MIX23: variants seen among roughly 807,000 people sequenced by gnomAD.
MIX23 encodes the protein mitochondrial matrix import factor 23, also known as protein MIX23.
MIX23 carries 13 observed loss-of-function variants against 21.6 expected under a neutral mutation model. The observed-to-expected ratio is 0.60, with a 90% CI of 0.39 to 0.96. The LOEUF is 0.96. MIX23 is among the 40% of genes least tolerant of loss of function. The probability of loss-of-function intolerance (pLI) is 0.00; values close to 1 mark genes in which losing one functional copy is unlikely to be tolerated. For missense variants in MIX23, 144 were observed against 171.2 expected (o/e 0.84, Z 0.89); for synonymous variants, 59 against 58.0 (o/e 1.02, Z -0.08).
chr3:122,379,736 G>C lies in MIX23; in HGVS notation c.51+3438C>G, dbSNP rs78636482. ...ACAGTTCAATGGTTCTCTGAAGGCT[G>C]CATCTTGTGTAGAACCCTCATGAGC... On this transcript the variant is annotated intron_variant, in intron 1 of 4. Coordinates refer to ENST00000291458, the MANE Select transcript of MIX23 (RefSeq NM_001017928.4). Among the ~76,000 whole-genome samples, 3 of 152,324 alleles carry C rather than the reference G, an allele frequency of 2.0e-5. No homozygotes were observed. In the East Asian group the frequency reaches 5.8e-4, roughly 29 times the overall value.
chr3:122,360,871 T>G (rs923507380), intron 4 of MIX23, among the ~76,000 whole-genome samples: 1 of 152,144 alleles, frequency 6.6e-6, no homozygotes, highest in African/African-American at 2.4e-5. Flanking sequence ...GAGACGGAGT[T>G]TCGCTCTTGT....
intron 1 of MIX23, among the ~76,000 whole-genome samples, chr3:122,382,454 G>A (rs1448793768): frequency 6.6e-6 from 1 of 152,166 alleles, no homozygotes; most frequent in Non-Finnish European, 1.5e-5. Flanking sequence ...TCTTGGGTTA[G>A]TTAATAATGC....
At chr3:122,362,714 A>C (rs907953889) in intron 4 of MIX23, among the ~76,000 whole-genome samples, 2 of 152,176 alleles carry the variant, frequency 1.3e-5, no homozygotes, top group African/African-American at 4.8e-5. Flanking sequence ...TGTTGGGATT[A>C]CAGGTGTGAG....
chr3:122,374,115 TTTTTA>T (rs2075464679), intron 1 of MIX23, among the ~76,000 whole-genome samples: 2 of 145,566 alleles, frequency 1.4e-5, no homozygotes, highest in African/African-American at 5.0e-5. Flanking sequence ...TTTTTTTTTT[TTTTTA>T]AAAAAAAAGC....
chr3:122,362,897 C>A, intron 4 of MIX23, 71 bp downstream of exon 4: 3 of 1,244,676 alleles, frequency 2.4e-6, no homozygotes, highest in Non-Finnish European at 3.5e-6. Context: ...CTTTACTCCC[C>A]CTCCCTTGGT....
chr3:122,364,108 C>T (rs1045459356), intron 3 of MIX23, among the ~76,000 whole-genome samples: 1 of 152,202 alleles, frequency 6.6e-6, no homozygotes, highest in Non-Finnish European at 1.5e-5. Context: ...CCTGGCCAAC[C>T]AGGAGCGCAG....
chr3:122,368,004 T>C, intron 3 of MIX23, 172 bp downstream of exon 3: 1 of 608,868 alleles, frequency 1.6e-6, no homozygotes. Flanking sequence ...ATTTACCAAT[T>C]AATAACTAAA....
intron 2 of MIX23, among the ~76,000 whole-genome samples, chr3:122,369,387 A>G (rs2075420865): frequency 1.3e-5 from 2 of 152,242 alleles, no homozygotes. Context: ...CTTCAGCTAC[A>G]GAAGGAAGCT....
At chr3:122,371,240 T>C (rs1186670705) in intron 2 of MIX23, among the ~76,000 whole-genome samples, 1 of 152,252 alleles carries the variant, frequency 6.6e-6, no homozygotes, top group Non-Finnish European at 1.5e-5. Context: ...CAAATGCTTC[T>C]ATTCCCCTTC....
At chr3:122,367,591 T>C (rs1213015625) in intron 3 of MIX23, among the ~76,000 whole-genome samples, 8 of 152,186 alleles carry the variant, frequency 5.3e-5, no homozygotes, top group Non-Finnish European at 5.9e-5. Context: ...GAAAAAGTCA[T>C]GTCCAAGAAA....
At chr3:122,361,256 A>G (rs1377621073) in intron 4 of MIX23, among the ~76,000 whole-genome samples, 3 of 152,178 alleles carry the variant, frequency 2.0e-5, no homozygotes, top group African/African-American at 4.8e-5. Context: ...TGCATCTCAC[A>G]ATTAATAGAA....
chr3:122,372,955 T>C, intron 1 of MIX23: 1 of 369,674 alleles, frequency 2.7e-6, no homozygotes. Context: ...TGATTCTTTT[T>C]CCCTCAATAT....
At chr3:122,360,790 T>C (rs1446724888) in intron 4 of MIX23, among the ~76,000 whole-genome samples, 1 of 152,112 alleles carries the variant, frequency 6.6e-6, no homozygotes, top group Admixed American at 6.5e-5. Flanking sequence ...ATTATAAAAA[T>C]AAAAGAAAAA....
At chr3:122,382,823 A>G (rs2075544358) in intron 1 of MIX23, among the ~76,000 whole-genome samples, 3 of 152,208 alleles carry the variant, frequency 2.0e-5, no homozygotes. Context: ...TCTACTTACA[A>G]AAGTAGGAGA....
At chr3:122,360,623 T>G (rs1407744237) in intron 4 of MIX23, among the ~76,000 whole-genome samples, 3 of 152,118 alleles carry the variant, frequency 2.0e-5, no homozygotes, top group African/African-American at 7.2e-5. Flanking sequence ...TTAAAAAAAT[T>G]TAAATCATGT....
At position 122,383,210 on chromosome 3, in the gene MIX23, A is replaced by C; in HGVS notation, c.15T>G (p.Ser5Arg). 1.2e-6 allele frequency: 2 copies of C among 1,612,992 alleles called. No homozygotes were observed. Among genetic ancestry groups the C allele is most frequent in the East Asian group, 2.2e-5 (1 of 44,890 alleles). The change falls in exon 1 of 5, where the codon AGT becomes AGG. Residue 5 changes from serine (S) to arginine (R), a missense_variant. By Grantham distance (110) the Ser-to-Arg change is moderately radical. Coordinates refer to ENST00000291458, the MANE Select transcript of MIX23 (RefSeq NM_001017928.4). MAAP[S>R]GGVNCEEFAE... The stretch of plus-strand genomic sequence containing the variant: ...CGAACTCCTCACAGTTCACACCGCC[A>C]CTGGGCGCCGCCATATTGGACAAAC...
At chr3:122,367,092 A>C (rs2075402687) in intron 3 of MIX23, among the ~76,000 whole-genome samples, 1 of 152,084 alleles carries the variant, frequency 6.6e-6, no homozygotes, top group Non-Finnish European at 1.5e-5. Context: ...GTATTTATGC[A>C]TACAGGTGTG....
chr3:122,374,474 C>T (rs1265305706), intron 1 of MIX23, among the ~76,000 whole-genome samples: 2 of 152,168 alleles, frequency 1.3e-5, no homozygotes, highest in African/African-American at 4.8e-5. Context: ...TTTAAATAAT[C>T]TCTAGATTAC....
chr3:122,373,067 C>G (rs1353063627), intron 1 of MIX23: 2 of 380,514 alleles, frequency 5.3e-6, no homozygotes, highest in Non-Finnish European at 1.0e-5. Flanking sequence ...ATTATTATTA[C>G]TTTCATTTTA....
Sources: allele counts gnomAD v4.1 joint callset (sites outside exome capture counted in the v4.1 genomes callset), GRCh38; gene constraint gnomAD v4.1.1; transcripts MANE v1.5; gene names NCBI Gene and HGNC (gene_info 2026-07-23, HGNC 2026-07-21).